PTPRD: variants seen among roughly 807,000 people sequenced by gnomAD.
PTPRD encodes protein tyrosine phosphatase receptor type D.
PTPRD carries 34 observed loss-of-function variants against 214.5 expected under a neutral mutation model. The ratio of observed to expected loss-of-function variants is 0.16; its 90% CI spans 0.12 to 0.21. The LOEUF is 0.21. Ranked by LOEUF, PTPRD falls within the 10% of genes least tolerant of loss-of-function variation. The pLI is 1.00. For synonymous variants in PTPRD, 1,128 were observed against 845.7 expected (o/e 1.33, Z -5.79); for missense variants, 2,545 against 2,398.7 (o/e 1.06, Z -1.27).
chr9:9,724,580 C>T (rs936830812), intron 7 of PTPRD, among the ~76,000 whole-genome samples: 8 of 152,076 alleles, frequency 5.3e-5, no homozygotes, highest in Non-Finnish European at 1.0e-4. Context: ...ATTAACAGAT[C>T]CTTAAGTGGA....
intron 2 of PTPRD, among the ~76,000 whole-genome samples, chr9:10,579,298 T>A (rs1313276470): frequency 2.0e-5 from 3 of 152,254 alleles, no homozygotes; most frequent in African/African-American, 4.8e-5. Flanking sequence ...GTCCCCAGTG[T>A]CTATTGTTCC....
At chr9:10,194,337 TATATATATAGAGAGAGAGAGAGAGAGAG>T (rs771227801) in intron 3 of PTPRD, among the ~76,000 whole-genome samples, 1,298 of 70,630 alleles carry the variant, frequency 0.018, 27 homozygotes, top group Non-Finnish European at 0.024. Context: ...TATATATATA[TATATATATAGAGAGAGAGAGAGAGAGAG>T]AGAGAGAGAG....
intron 5 of PTPRD, among the ~76,000 whole-genome samples, chr9:9,796,425 G>T (rs1453948084): frequency 6.6e-6 from 1 of 152,126 alleles, no homozygotes. Flanking sequence ...TCCGGGAGGA[G>T]GTTGAAATGA....
chr9:9,718,174 C>G (rs1733059248), intron 7 of PTPRD, among the ~76,000 whole-genome samples: 1 of 152,082 alleles, frequency 6.6e-6, no homozygotes, highest in Non-Finnish European at 1.5e-5. Flanking sequence ...CATTGGCTTT[C>G]TTTAAAGAAA....
At chr9:9,020,409 A>G (rs1342980511) in intron 10 of PTPRD, among the ~76,000 whole-genome samples, 3 of 152,178 alleles carry the variant, frequency 2.0e-5, no homozygotes, top group Admixed American at 2.0e-4. Context: ...TTTGTAAGAA[A>G]GCTTGGACCA....
At chr9:9,395,349 G>A (rs1425921415) in intron 9 of PTPRD, among the ~76,000 whole-genome samples, 1 of 152,086 alleles carries the variant, frequency 6.6e-6, no homozygotes, top group Non-Finnish European at 1.5e-5. Flanking sequence ...TCACCAGGGA[G>A]CTGAAGCATC....
chr9:9,036,582 A>T (rs959694668), intron 10 of PTPRD, among the ~76,000 whole-genome samples: 1 of 152,186 alleles, frequency 6.6e-6, no homozygotes, highest in South Asian at 2.1e-4. Flanking sequence ...AATAAAATGT[A>T]CCATTTTAAT....
At chr9:8,737,031 G>C (rs540240032) in intron 11 of PTPRD, among the ~76,000 whole-genome samples, 49 of 152,270 alleles carry the variant, frequency 3.2e-4, no homozygotes, top group African/African-American at 1.0e-3. Context: ...GCGTATCAGA[G>C]CCAACTGCTA....
intron 8 of PTPRD, among the ~76,000 whole-genome samples, chr9:9,529,285 T>A (rs1469609484): frequency 3.3e-4 from 48 of 145,320 alleles, no homozygotes; most frequent in African/African-American, 1.1e-3. Flanking sequence ...AAAAAAAAAA[T>A]AATAAATGGA....
At chr9:9,667,555 A>T (rs1024815203) in intron 7 of PTPRD, among the ~76,000 whole-genome samples, 4 of 152,162 alleles carry the variant, frequency 2.6e-5, no homozygotes, top group African/African-American at 9.6e-5. Flanking sequence ...TCTACCCCTT[A>T]GAAGCTGGCT....
chr9:10,396,404 T>C (rs2098171470), intron 2 of PTPRD, among the ~76,000 whole-genome samples: 1 of 152,000 alleles, frequency 6.6e-6, no homozygotes, highest in Admixed American at 6.6e-5. Flanking sequence ...ATTGGCCTAT[T>C]GGACTCAAAC....
intron 2 of PTPRD, among the ~76,000 whole-genome samples, chr9:10,386,997 G>A (rs1314465767): frequency 6.6e-6 from 1 of 151,754 alleles, no homozygotes; most frequent in East Asian, 2.0e-4. Context: ...ATCAGTCATT[G>A]CTGGTTCAAA....
intron 5 of PTPRD, among the ~76,000 whole-genome samples, chr9:9,874,400 A>G (rs756605644): frequency 4.6e-5 from 7 of 152,296 alleles, no homozygotes; most frequent in Admixed American, 6.5e-5. Flanking sequence ...CAGGATATCA[A>G]TATTATATAC....
At chr9:9,507,305 T>A (rs1340524104) in intron 8 of PTPRD, among the ~76,000 whole-genome samples, 1 of 151,250 alleles carries the variant, frequency 6.6e-6, no homozygotes. Flanking sequence ...GGGATTAAAT[T>A]TGTTATATAT....
At chr9:9,195,043 T>C (rs2099937529) in intron 9 of PTPRD, among the ~76,000 whole-genome samples, 1 of 149,876 alleles carries the variant, frequency 6.7e-6, no homozygotes, top group Admixed American at 6.7e-5. Context: ...TGTATATATA[T>C]ACATATTTAT....
rs148637811 is a variant in PTPRD at position 9,190,024 on chromosome 9, T to C, written c.-202-6661A>G. ...ACAGTGATGTTGGAGACTTTCTGAG[T>C]GAGGACAGCATGAGAAGAATATGTA... On this transcript the variant is annotated intron_variant, in intron 9 of 45. Coordinates refer to ENST00000381196, the MANE Select transcript of PTPRD (RefSeq NM_002839.4). 3.0e-3 allele frequency among the ~76,000 whole-genome samples: 451 copies of C among 152,196 alleles called. 2 individuals carry two copies. The highest frequency in any genetic ancestry group is 0.01 in the African/African-American group (433 of 41,558).
intron 7 of PTPRD, among the ~76,000 whole-genome samples, chr9:9,683,945 T>C (rs954003539): frequency 6.6e-6 from 1 of 151,708 alleles, no homozygotes; most frequent in Non-Finnish European, 1.5e-5. Context: ...GAAGTAAATA[T>C]GATCAACATT....
chr9:8,437,221 T>C, intron 34 of PTPRD: 1 of 1,524,186 alleles, frequency 6.6e-7, no homozygotes, highest in Admixed American at 2.0e-5. Context: ...GTTACCAGGG[T>C]AACCGGAATC....
intron 9 of PTPRD, among the ~76,000 whole-genome samples, chr9:9,367,610 T>C (rs1324547471): frequency 6.6e-6 from 1 of 151,612 alleles, no homozygotes; most frequent in Non-Finnish European, 1.5e-5. Flanking sequence ...AAGTTTGGCA[T>C]TAAAAAAAAC....
Sources: gnomAD v4.1 joint callset for allele counts (sites outside exome capture counted in the v4.1 genomes callset) on GRCh38, gnomAD v4.1.1 for gene constraint, MANE v1.5 for transcripts, NCBI Gene and HGNC (gene_info 2026-07-23, HGNC 2026-07-21) for gene names.